PRKAR1B: variants seen among roughly 807,000 people sequenced by gnomAD.
PRKAR1B encodes the protein protein kinase cAMP-dependent type I regulatory subunit beta.
In PRKAR1B, 22 loss-of-function variants were observed where a neutral mutation model predicts 46.5. That is an observed-to-expected ratio of 0.47 (90% CI 0.34 to 0.68). The LOEUF is 0.68. Among genes scored for constraint, PRKAR1B ranks in the 30% least tolerant of loss-of-function variants. The pLI is 0.01. For missense variants in PRKAR1B, 445 were observed against 535.6 expected, an observed-to-expected ratio of 0.83 and a Z score of 1.67; for synonymous variants, 259 against 217.7, an observed-to-expected ratio of 1.19 and a Z score of -1.67.
At chr7:641,714 G>T (rs1784398022) in intron 4 of PRKAR1B, among the ~76,000 whole-genome samples, 1 of 152,090 alleles carries the variant, frequency 6.6e-6, no homozygotes, top group East Asian at 1.9e-4. Flanking sequence ...AGTGAAAGAA[G>T]CCAGACACAA....
intron 9 of PRKAR1B, among the ~76,000 whole-genome samples, chr7:561,685 A>G (rs1169347276): frequency 6.6e-6 from 1 of 152,242 alleles, no homozygotes; most frequent in Admixed American, 6.5e-5. Flanking sequence ...TCGGGACGAC[A>G]GCGAAAACAC....
rs921232081 is a variant in PRKAR1B at position 714,336 on chromosome 7, G to A, written c.-22-2809C>T. ...CCTCACAGGACAGCCCTCTGATCCCGAGGCGCACACACAAGCCCTCCTTCT... is the reference window on the plus strand; with the variant it reads ...CCTCACAGGACAGCCCTCTGATCCCAAGGCGCACACACAAGCCCTCCTTCT... On this transcript the variant is annotated intron_variant, in intron 1 of 10. Coordinates refer to ENST00000537384, the MANE Select transcript of PRKAR1B (RefSeq NM_001164760.2). This position sits in a 1 kb window ranked among gnomAD's most constrained non-coding sequence, Gnocchi z 4.3. 1.1e-4 allele frequency among the ~76,000 whole-genome samples: 16 copies of A among 152,140 alleles called. No homozygotes were observed. Among genetic ancestry groups the A allele is most frequent in the African/African-American group, 2.9e-4 (12 of 41,430 alleles).
At chr7:641,930 G>T (rs1784411730) in intron 4 of PRKAR1B, among the ~76,000 whole-genome samples, 1 of 151,856 alleles carries the variant, frequency 6.6e-6, no homozygotes, top group Non-Finnish European at 1.5e-5. Flanking sequence ...TTGAGACAGG[G>T]TCTCACTCTG....
chr7:693,538 A>G (rs73047920), intron 2 of PRKAR1B, among the ~76,000 whole-genome samples: 39,241 of 151,904 alleles, frequency 0.26, 5,534 homozygotes, highest in South Asian at 0.41. Context: ...TTTCACTGGC[A>G]TTACGTGTCC....
intron 6 of PRKAR1B, among the ~76,000 whole-genome samples, chr7:597,483 G>A (rs147792528): frequency 0.043 from 6,505 of 152,270 alleles, 393 homozygotes; most frequent in African/African-American, 0.14. Flanking sequence ...GAGGGAGGCT[G>A]GAGCAGGATT....
At position 605,538 on chromosome 7, in the gene PRKAR1B, CA is replaced by C. The variant is rs540251972; in HGVS notation, c.549+654del. ...ATGTGTTTATTTACTTAGTTTTATA[CA>C]TATATGTATCTATTTTATACATACA... On this transcript the variant is annotated intron_variant, in intron 6 of 10. Coordinates refer to ENST00000537384, the MANE Select transcript of PRKAR1B (RefSeq NM_001164760.2). Among the ~76,000 whole-genome samples the C allele has an allele frequency of 3.7e-4, 56 of 152,326 alleles. No individual in the cohort carries two copies. The South Asian group carries it at 0.01, about 28-fold the overall frequency.
At chr7:709,456 C>T (rs150695260) in intron 2 of PRKAR1B, among the ~76,000 whole-genome samples, 1,658 of 150,722 alleles carry the variant, frequency 0.011, 24 homozygotes, top group East Asian at 0.1. Flanking sequence ...CTGCAAGCTC[C>T]ACCTCCCAGG....
At chr7:664,638 G>A (rs554994158) in intron 4 of PRKAR1B, among the ~76,000 whole-genome samples, 1 of 152,274 alleles carries the variant, frequency 6.6e-6, no homozygotes, top group African/African-American at 2.4e-5. Context: ...GCTGGGTGTG[G>A]TGGCTCATGC....
intron 4 of PRKAR1B, among the ~76,000 whole-genome samples, chr7:618,601 C>T (rs373290027): frequency 1.3e-5 from 2 of 152,340 alleles, no homozygotes; most frequent in East Asian, 3.9e-4. Context: ...TTGCCTGACA[C>T]GTTGGGGCTG....
chr7:640,962 C>CT (rs1163633218), intron 4 of PRKAR1B, among the ~76,000 whole-genome samples: 121 of 149,042 alleles, frequency 8.1e-4, no homozygotes, highest in Middle Eastern at 3.4e-3. Flanking sequence ...AGAGACAATT[C>CT]TTTTTTTTTT....
Position 691,646 on chromosome 7 carries a change from C to A in PRKAR1B, c.178-10920G>T, listed in dbSNP as rs1402205208. ...TGCTGAATGGCATGTGGCCTCCGCCCAGGTCTCCAGGGAGCTGTTGGAAAC... is the reference window on the plus strand; with the variant it reads ...TGCTGAATGGCATGTGGCCTCCGCCAAGGTCTCCAGGGAGCTGTTGGAAAC... On this transcript the variant is annotated intron_variant, in intron 2 of 10. Transcript: ENST00000537384. 8 of 1,300,254 alleles carry A rather than the reference C, an allele frequency of 6.2e-6. No homozygotes were observed. In the East Asian group the frequency reaches 4.4e-4, roughly 72 times the overall value. 80.5% of individuals were successfully genotyped at this position (1,300,254 alleles called of 1,614,324 possible). A position where few individuals can be genotyped will look rare whatever the true frequency, so the allele number is the denominator to read the frequency against.
chr7:583,674 ACAACCCACACG>A (rs1780419564), intron 8 of PRKAR1B, among the ~76,000 whole-genome samples: 5 of 137,822 alleles, frequency 3.6e-5, no homozygotes, highest in African/African-American at 5.7e-5. Context: ...ACACCCACAC[ACAACCCACACG>A]GTGCACTCAC....
intron 4 of PRKAR1B, among the ~76,000 whole-genome samples, chr7:670,939 C>A (rs112298102): frequency 1.3e-5 from 2 of 152,220 alleles, no homozygotes; most frequent in Non-Finnish European, 1.5e-5. Context: ...CGGAGATGAT[C>A]GTGGCTGCAG....
intron 6 of PRKAR1B, among the ~76,000 whole-genome samples, chr7:601,411 G>A (rs1362082995): frequency 1.3e-5 from 2 of 152,256 alleles, no homozygotes; most frequent in Non-Finnish European, 2.9e-5. Context: ...CCCGGGTGCT[G>A]TAATAACAGT....
chr7:579,679 T>C (rs1376510428), intron 8 of PRKAR1B, among the ~76,000 whole-genome samples: 2 of 152,232 alleles, frequency 1.3e-5, no homozygotes, highest in East Asian at 1.9e-4. Flanking sequence ...TACCCAGCAG[T>C]GAAAACTGAC....
At chr7:595,773 T>A (rs1024816410) in intron 7 of PRKAR1B, among the ~76,000 whole-genome samples, 5 of 152,178 alleles carry the variant, frequency 3.3e-5, no homozygotes, top group African/African-American at 1.2e-4. Flanking sequence ...AGCCCGTGGG[T>A]GAGCAGCCAC....
intron 9 of PRKAR1B, among the ~76,000 whole-genome samples, chr7:553,322 G>A (rs1017513230): frequency 1.5e-4 from 23 of 152,306 alleles, no homozygotes; most frequent in African/African-American, 4.3e-4. Flanking sequence ...CCTGCACGCC[G>A]CCGGCCTCAG....
At chr7:553,706 G>A (rs1289129249) in intron 9 of PRKAR1B, among the ~76,000 whole-genome samples, 1 of 151,740 alleles carries the variant, frequency 6.6e-6, no homozygotes, top group Non-Finnish European at 1.5e-5. Context: ...GCTGTACCTG[G>A]GTTAATGAGT....
At chr7:601,179 C>A (rs975412215) in intron 6 of PRKAR1B, among the ~76,000 whole-genome samples, 2 of 152,198 alleles carry the variant, frequency 1.3e-5, no homozygotes, top group African/African-American at 4.8e-5. Context: ...CCACGGCAAA[C>A]GGCCGTCCCT....
Sources: allele counts gnomAD v4.1 joint callset (sites outside exome capture counted in the v4.1 genomes callset), GRCh38; gene constraint gnomAD v4.1.1; non-coding constraint Gnocchi (gnomAD v3.1); transcripts MANE v1.5; gene names NCBI Gene and HGNC (gene_info 2026-07-23, HGNC 2026-07-21).